Variants in COL5A3 observed in about 807,000 individuals in gnomAD.
COL5A3 encodes collagen type V alpha 3 chain, also known as collagen alpha-3(V) chain.
Under a neutral mutation model 250.0 loss-of-function variants are expected in COL5A3, and 172 were observed. The observed-to-expected ratio is 0.69, with a 90% confidence interval of 0.61 to 0.78. The LOEUF is 0.78. Among genes scored for constraint, COL5A3 ranks in the 30% least tolerant of loss-of-function variants. COL5A3 has a pLI of 0.00. For missense variants in COL5A3, 2,340 were observed against 2,334.4 expected, an observed-to-expected ratio of 1.00 and a Z score of -0.05; for synonymous variants, 937 against 900.4, an observed-to-expected ratio of 1.04 and a Z score of -0.73.
At position 9,974,329 on chromosome 19, in the gene COL5A3, A is replaced by G. The variant is rs200815708; in HGVS notation, c.3422T>C (p.Val1141Ala). The G allele has an allele frequency of 1.2e-5, 19 of 1,612,316 alleles. No homozygotes were observed. Among genetic ancestry groups the G allele is most frequent in the Admixed American group, 1.7e-5 (1 of 59,766 alleles). ...QKGDDGVRGFVGVIGPPGLQG... is the reference protein window; with the variant it reads ...QKGDDGVRGFAGVIGPPGLQG... ...CAGTCCAGGAGGGCCAATCACCCCC[A>G]CAAAGCCTCTGACTCCGTCATCTCC... Residue 1141 changes from valine to alanine, a missense_variant, in exon 46 of 67, where the codon GTG (valine) becomes GCG (alanine). Transcript: ENST00000264828.
At chr19:9,978,850 T>C in intron 40 of COL5A3, 41 bp downstream of exon 40, 2 of 1,187,688 alleles carry the variant, frequency 1.7e-6, no homozygotes, top group Non-Finnish European at 2.3e-6. Context: ...CATCCTTTCC[T>C]TCTCTAAGGG....
intron 50 of COL5A3, 47 bp from the exon 51 acceptor site, chr19:9,973,073 G>T (rs950204391): frequency 6.7e-7 from 1 of 1,500,080 alleles, no homozygotes; most frequent in Non-Finnish European, 9.1e-7. Context: ...ACTCTCCAGG[G>T]ATCAAGGATT....
In COL5A3 at chr19:9,992,838, T is replaced by G. The variant is rs147564588; in HGVS notation, c.1837A>C (p.Thr613Pro). The change falls in exon 21 of 67, where the codon ACG becomes CCG. Residue 613 changes from threonine (T) to proline (P), a missense_variant. Thr to Pro is a conservative substitution (Grantham distance 38). Around this residue, in one of 3 missense-constraint regions of COL5A3, gnomAD observed 1,152 missense variants for 1,146.3 expected, o/e 1.00. Transcript: ENST00000264828. Reference protein sequence around the residue: ...LLGPRGSPGPTGRPGVTGIDG... With the variant: ...LLGPRGSPGPPGRPGVTGIDG... ...CCAGTGACACTCACCGGGCGACCCG[T>G]GGGGCCAGGAGAGCCTCTGGGGCCA... The G allele has an allele frequency of 3.1e-6, 5 of 1,613,904 alleles. No individual in the cohort carries two copies. Among genetic ancestry groups the G allele is most frequent in the Non-Finnish European group, 3.4e-6 (4 of 1,179,958 alleles).
intron 6 of COL5A3, among the ~76,000 whole-genome samples, chr19:10,003,058 A>G (rs1453533616): frequency 6.6e-6 from 1 of 152,118 alleles, no homozygotes; most frequent in Admixed American, 6.6e-5. Context: ...ATCTCCCTCA[A>G]TGATTCCCCA....
rs1363797710 is a variant in COL5A3 at position 9,963,036 on chromosome 19, TG to T, written c.4783-150del. ...ATGGACGAGCTCTGCCAGTGCACAA[TG>T]GGGGAAGGAGGTTCATGCCCCTGAG... On this transcript the variant is annotated intron_variant, in intron 64 of 66. Coordinates refer to ENST00000264828, the MANE Select transcript of COL5A3 (RefSeq NM_015719.4). 6.5e-5 allele frequency: 41 copies of T among 627,986 alleles called. No homozygotes were observed. In the East Asian group the frequency reaches 1.1e-3, roughly 17 times the overall value. The allele number at this position is 627,986 out of a possible 1,614,324, so 38.9% of individuals were successfully genotyped here.
intron 40 of COL5A3, 53 bp from the exon 41 acceptor site, chr19:9,978,680 C>A: frequency 7.7e-7 from 1 of 1,291,132 alleles, no homozygotes; most frequent in South Asian, 1.5e-5. Flanking sequence ...GTCCCCAGGT[C>A]CTGTCTTCCT....
intron 8 of COL5A3, among the ~76,000 whole-genome samples, chr19:10,001,294 C>T (rs1312279810): frequency 1.3e-5 from 2 of 151,522 alleles, no homozygotes; most frequent in African/African-American, 4.9e-5. Context: ...CACAGGCGCG[C>T]GCCACCGCTC....
rs1380854865 is a variant in COL5A3 at position 9,985,870 on chromosome 19, G to A, written c.2378C>T (p.Pro793Leu). ...EKGKLGVPGLPGYPGRPGPKG... is the reference protein window; with the variant it reads ...EKGKLGVPGLLGYPGRPGPKG... ...AGGTCCAGGGCGTCCTGGATAACCT[G>A]GGAGGCCTGGCACCCCAAGCTTGCC... The change falls in exon 31 of 67, where the codon CCA (proline) becomes CTA (leucine). Residue 793 changes from proline to leucine, a missense_variant. This residue lies in a region of COL5A3 where 1,152 missense variants were observed against 1,146.3 expected (regional missense o/e 1.00). Coordinates refer to ENST00000264828, the MANE Select transcript of COL5A3 (RefSeq NM_015719.4). 3 of 1,613,966 alleles carry A rather than the reference G, an allele frequency of 1.9e-6. No homozygotes were observed. Among genetic ancestry groups the A allele is most frequent in the Admixed American group, 3.3e-5 (2 of 60,006 alleles).
intron 65 of COL5A3, 119 bp from the exon 66 acceptor site, chr19:9,961,009 T>G: frequency 7.8e-7 from 1 of 1,274,838 alleles, no homozygotes; most frequent in Non-Finnish European, 1.1e-6. Flanking sequence ...TCACCATCTC[T>G]GAGGAGGTCC....
At chr19:10,001,416 G>A (rs1008526067) in intron 8 of COL5A3, 108 bp downstream of exon 8, 18 of 1,158,798 alleles carry the variant, frequency 1.6e-5, no homozygotes, top group African/African-American at 9.4e-5. Context: ...CAAAGTGTTC[G>A]GATTACAGGC....
chr19:9,976,472 A>T, intron 45 of COL5A3, 86 bp downstream of exon 45: 1 of 1,010,530 alleles, frequency 9.9e-7, no homozygotes, highest in Non-Finnish European at 1.4e-6. Context: ...GGTTTGGATT[A>T]AGTCAGTGTG....
Position 9,979,361 on chromosome 19 carries a change from G to C in COL5A3, c.2766+3C>G, listed in dbSNP as rs1420746867. The C allele has an allele frequency of 9.3e-6, 15 of 1,614,100 alleles. No individual in the cohort carries two copies. Among genetic ancestry groups the C allele is most frequent in the Admixed American group, 1.7e-5 (1 of 60,020 alleles). ...AAGGGAGGTTTATGGAGTCCACTCT[G>C]ACCTGAGGGCCTAAGACACCAGCTG... On this transcript the variant is annotated splice_donor_region_variant and intron_variant, in intron 38 of 66. Coordinates refer to ENST00000264828, the MANE Select transcript of COL5A3 (RefSeq NM_015719.4).
chr19:9,972,118 C>T (rs969229402), intron 51 of COL5A3, among the ~76,000 whole-genome samples: 4 of 152,242 alleles, frequency 2.6e-5, no homozygotes, highest in Non-Finnish European at 5.9e-5. Context: ...CTCATTCATT[C>T]ATCCATTCAT....
At position 10,005,733 on chromosome 19, in the gene COL5A3, A is replaced by G. The variant is rs775561722; in HGVS notation, c.438-19T>C. Reference sequence around the variant, plus strand: ...GTGCCACCTGCAAGGGGACGGCCTCAGTGCGGGTGCTTCTCACCCCACCCC... The same window carrying G: ...GTGCCACCTGCAAGGGGACGGCCTCGGTGCGGGTGCTTCTCACCCCACCCC... On this transcript the variant is annotated intron_variant, in intron 3 of 66. Coordinates refer to ENST00000264828, the MANE Select transcript of COL5A3 (RefSeq NM_015719.4). 4 of 1,600,842 alleles carry G rather than the reference A, an allele frequency of 2.5e-6. No individual in the cohort carries two copies. The highest frequency in any genetic ancestry group is 2.6e-6 in the Non-Finnish European group (3 of 1,171,088).
intron 8 of COL5A3, among the ~76,000 whole-genome samples, chr19:9,999,917 C>T (rs1041545670): frequency 9.2e-5 from 14 of 151,876 alleles, no homozygotes; most frequent in African/African-American, 3.4e-4. Context: ...CCACCACGTT[C>T]GATTAATTTT....
intron 12 of COL5A3, 32 bp downstream of exon 12, chr19:9,996,583 C>T (rs1165879104): frequency 7.4e-6 from 12 of 1,613,682 alleles, no homozygotes; most frequent in Admixed American, 1.7e-5. Context: ...GACTCCACTC[C>T]CCAAGGCTGG....
At chr19:9,994,965 C>G (rs1031631425) in intron 16 of COL5A3, among the ~76,000 whole-genome samples, 1 of 152,020 alleles carries the variant, frequency 6.6e-6, no homozygotes, top group African/African-American at 2.4e-5. Flanking sequence ...GCCACCCAAG[C>G]TGGTGTGCAC....
chr19:10,001,767 C>G lies in COL5A3; in HGVS notation c.963+1G>C. 1 of 1,613,934 alleles carries G rather than the reference C, an allele frequency of 6.2e-7. No homozygotes were observed. Among genetic ancestry groups the G allele is most frequent in the Non-Finnish European group, 8.5e-7 (1 of 1,179,844 alleles). Reference sequence around the variant, plus strand: ...TCTCCCCTCTTCCATCCCCATCCAACCTCTAGGATCGTGGCATTGAGTCCA... The same window carrying G: ...TCTCCCCTCTTCCATCCCCATCCAAGCTCTAGGATCGTGGCATTGAGTCCA... On this transcript the variant is annotated splice_donor_variant, in intron 7 of 66. Transcript: ENST00000264828. LOFTEE classifies it high-confidence loss of function.
chr19:9,977,781 G>A (rs559912226), intron 41 of COL5A3, 80 bp from the exon 42 acceptor site: 6 of 1,139,758 alleles, frequency 5.3e-6, no homozygotes, highest in Admixed American at 3.4e-5. Context: ...ACCAGGCACT[G>A]AGTTCTGAGG....
Sources: gnomAD v4.1 joint callset for allele counts (sites outside exome capture counted in the v4.1 genomes callset) on GRCh38, gnomAD v4.1.1 for gene constraint, gnomAD v4.1.1 regional missense constraint, MANE v1.5 for transcripts, NCBI Gene and HGNC (gene_info 2026-07-23, HGNC 2026-07-21) for gene names.